Variants in SLC6A16 observed in about 807,000 individuals in gnomAD.
SLC6A16 encodes the protein solute carrier family 6 member 16.
A neutral mutation model predicts 65.4 loss-of-function variants in SLC6A16; 54 were observed. The observed-to-expected ratio is 0.83, with a 90% CI of 0.66 to 1.04. The LOEUF is 1.04. SLC6A16 is among the 50% of genes least tolerant of loss of function. The pLI is 0.00. For missense variants in SLC6A16, 816 were observed against 914.0 expected (o/e 0.89, Z 1.38); for synonymous variants, 330 against 346.5 (o/e 0.95, Z 0.53).
chr19:49,337,897 A>G, the SLC6A16 span: 2 of 1,613,370 alleles, frequency 1.2e-6, no homozygotes, highest in Non-Finnish European at 1.7e-6. Flanking sequence ...GGGGAAGATA[A>G]GGCCCAGCCT....
chr19:49,311,109 A>G lies in SLC6A16; in HGVS notation c.239T>C (p.Leu80Pro), dbSNP rs1256841919. ...CTTCTCATGCGTGGGTTTCTGGTTCAGGGCTGAGGCAGTTAACGCCTCCAA... is the reference window on the plus strand; with the variant it reads ...CTTCTCATGCGTGGGTTTCTGGTTCGGGGCTGAGGCAGTTAACGCCTCCAA... ...SVLEALTASA[L>P]NQKPTHEKVQ... is the part of the protein sequence containing the mutation. The change falls in exon 2 of 12, where the codon CTG becomes CCG. Residue 80 changes from leucine (L) to proline (P), a missense_variant. Coordinates refer to ENST00000335875, the MANE Select transcript of SLC6A16 (RefSeq NM_014037.3). The G allele has an allele frequency of 6.2e-7, 1 of 1,614,192 alleles. No homozygotes were observed. Among genetic ancestry groups the G allele is most frequent in the South Asian group, 1.1e-5 (1 of 91,086 alleles).
chr19:49,322,863 G>T (rs1306245167), intron 1 of SLC6A16, among the ~76,000 whole-genome samples: 2 of 24,194 alleles, frequency 8.3e-5, no homozygotes, highest in Admixed American at 5.5e-4. Flanking sequence ...TTTTTTTTTT[G>T]CAGAAATAGA....
intron 1 of SLC6A16, among the ~76,000 whole-genome samples, 165 bp from the exon 2 acceptor site, chr19:49,311,576 G>A (rs559213150): frequency 1.3e-5 from 2 of 151,978 alleles, no homozygotes; most frequent in Non-Finnish European, 2.9e-5. Context: ...ATGTTTTCAC[G>A]TGGTGGCTCA....
rs536601412 is a variant in SLC6A16 at position 49,309,357 on chromosome 19, G to C, written c.931C>G (p.Arg311Gly). The change falls in exon 6 of 12, where the codon CGG becomes GGG. Residue 311 changes from arginine to glycine, a missense_variant. By Grantham distance (125) the Arg-to-Gly change is moderately radical. Transcript: ENST00000335875. ...PCFIIVGFFI[R>G]TLLLEGAKFG... is the part of the protein sequence containing the mutation. ...TTTGCCCCTTCCAGGAGTAGAGTCC[G>C]GATGAAGAAACCGACAATGATGAAA... is the stretch of plus-strand genomic sequence containing the variant. 4.3e-6 allele frequency: 7 copies of C among 1,614,092 alleles called. No individual in the cohort carries two copies. In the South Asian group the frequency reaches 7.7e-5, roughly 18 times the overall value.
At chr19:49,335,776 G>C in the SLC6A16 span, 3,097 of 1,612,720 alleles carry the variant, frequency 1.9e-3, 72 homozygotes, top group East Asian at 0.049. This position sits in a 1 kb window ranked among gnomAD's most constrained non-coding sequence, Gnocchi z 4.6. Flanking sequence ...CCAGCTTCGT[G>C]TCCTTTGTGG....
intron 1 of SLC6A16, among the ~76,000 whole-genome samples, chr19:49,313,625 C>CAAAAAA (rs902187308): frequency 6.3e-5 from 3 of 47,384 alleles, no homozygotes; most frequent in East Asian, 6.4e-4. Flanking sequence ...ACTAAAAATG[C>CAAAAAA]AAAAAAAAAA....
chr19:49,297,059 GA>G (rs562092651), intron 7 of SLC6A16, among the ~76,000 whole-genome samples: 131 of 152,202 alleles, frequency 8.6e-4, no homozygotes, highest in African/African-American at 2.9e-3. Context: ...CTCAAAACAT[GA>G]AAGAAAATTG....
At chr19:49,338,427 T>C in the SLC6A16 span, among the ~76,000 whole-genome samples, 2 of 151,718 alleles carry the variant, frequency 1.3e-5, no homozygotes, top group South Asian at 2.1e-4. This position sits in a 1 kb window ranked among gnomAD's most constrained non-coding sequence, Gnocchi z 5.0. Context: ...AGAGGCTCAA[T>C]TGCACCACCC....
At chr19:49,320,932 C>A (rs574229620) in intron 1 of SLC6A16, among the ~76,000 whole-genome samples, 1 of 152,224 alleles carries the variant, frequency 6.6e-6, no homozygotes, top group African/African-American at 2.4e-5. Context: ...TTCTACTAAA[C>A]CTTTAATGAA....
chr19:49,293,438 G>A, intron 9 of SLC6A16, 56 bp from the exon 10 acceptor site: 1 of 1,559,918 alleles, frequency 6.4e-7, no homozygotes, highest in East Asian at 2.3e-5. Flanking sequence ...GGTGACAAGG[G>A]CTAAGTAGAG....
At position 49,294,580 on chromosome 19, in the gene SLC6A16, G is replaced by A. The variant is rs1203305931; in HGVS notation, c.1230-27C>T. ...TGGGGATAGAGGGTTGAATCAAATC[G>A]AACCATTTGGCCCAGTAGGAGATAG... On this transcript the variant is annotated intron_variant, in intron 7 of 11. Coordinates refer to ENST00000335875, the MANE Select transcript of SLC6A16 (RefSeq NM_014037.3). 13 of 1,561,454 alleles carry A rather than the reference G, an allele frequency of 8.3e-6. 1 individual carries two copies. Among genetic ancestry groups the A allele is most frequent in the South Asian group, 2.4e-5 (2 of 81,948 alleles).
At chr19:49,302,602 C>T (rs903953413) in intron 7 of SLC6A16, among the ~76,000 whole-genome samples, 5 of 152,148 alleles carry the variant, frequency 3.3e-5, no homozygotes, top group African/African-American at 1.2e-4. Flanking sequence ...CATGATAACA[C>T]CAAAGGAAAA....
upstream of SLC6A16, among the ~76,000 whole-genome samples, chr19:49,328,410 T>G (rs946207982): frequency 2.0e-5 from 3 of 152,158 alleles, no homozygotes; most frequent in Non-Finnish European, 4.4e-5. Context: ...ACATGGGGAT[T>G]ATGAAGATTA....
At chr19:49,315,498 A>C (rs943193148) in intron 1 of SLC6A16, among the ~76,000 whole-genome samples, 11 of 152,146 alleles carry the variant, frequency 7.2e-5, no homozygotes, top group South Asian at 2.1e-4. Context: ...AGGTACAAAA[A>C]TCCAGCCTTT....
chr19:49,300,201 T>C (rs536599647), intron 7 of SLC6A16, among the ~76,000 whole-genome samples: 174 of 151,958 alleles, frequency 1.1e-3, no homozygotes, highest in Non-Finnish European at 1.8e-3. Context: ...TAAAAATACA[T>C]GAGGTGCATG....
At chr19:49,337,836 G>T in the SLC6A16 span, 1 of 1,588,712 alleles carries the variant, frequency 6.3e-7, no homozygotes. Context: ...GCCCAGAGAT[G>T]CACAGGGCCC....
In SLC6A16 at chr19:49,307,725, A is replaced by AAAAAAAG. The variant is rs1568532193; in HGVS notation, c.1229+1150_1229+1151insCTTTTTT. On this transcript the variant is annotated intron_variant, in intron 7 of 11. Transcript: ENST00000335875. Reference sequence around the variant, plus strand: ...AGAGAGAGGAAGAGGAGGAGGAAGCAAAAAAAAAGAAAAAGAAAAAAAAGA... The same window carrying AAAAAAAG: ...AGAGAGAGGAAGAGGAGGAGGAAGCAAAAAAAGAAAAAAAAGAAAAAGAAAAAAAAGA... Among the ~76,000 whole-genome samples, 36 of 15,686 alleles carry AAAAAAAG rather than the reference A, an allele frequency of 2.3e-3. 3 individuals carry two copies. In the South Asian group the frequency reaches 0.072, roughly 31 times the overall value. The allele number at this position is 15,686 out of a possible 152,430, so 10.3% of individuals were successfully genotyped here.
intron 7 of SLC6A16, among the ~76,000 whole-genome samples, chr19:49,296,619 A>C (rs1424362069): frequency 2.0e-5 from 3 of 152,218 alleles, no homozygotes; most frequent in Admixed American, 1.3e-4. Context: ...TCCTTGCCTC[A>C]TACCTTATAC....
the SLC6A16 span, chr19:49,336,581 T>C: frequency 4.2e-6 from 1 of 236,386 alleles, no homozygotes; most frequent in Non-Finnish European, 8.4e-6. Flanking sequence ...AAGAAATAGA[T>C]ATCATCTCCT....
Sources: allele counts gnomAD v4.1 joint callset (sites outside exome capture counted in the v4.1 genomes callset), GRCh38; gene constraint gnomAD v4.1.1; non-coding constraint Gnocchi (gnomAD v3.1); transcripts MANE v1.5; gene names NCBI Gene and HGNC (gene_info 2026-07-23, HGNC 2026-07-21).